ABCC8: variants seen among roughly 807,000 people sequenced by gnomAD.
ABCC8 encodes the protein ATP-binding cassette sub-family C member 8.
A neutral mutation model predicts 188.0 loss-of-function variants in ABCC8; 137 were observed. The observed-to-expected ratio is 0.73, with a 90% confidence interval of 0.63 to 0.84. The LOEUF (loss-of-function observed/expected upper bound fraction) is 0.84, where lower values mean the gene tolerates loss of function less well. ABCC8 is among the 40% of genes least tolerant of loss of function. The pLI is 0.00. For missense variants in ABCC8, 1,750 were observed against 2,072.7 expected (o/e 0.84, Z 3.02); for synonymous variants, 797 against 846.5 (o/e 0.94, Z 1.01).
chr11:17,476,460 G>A (rs1031072725), intron 1 of ABCC8, among the ~76,000 whole-genome samples, 169 bp downstream of exon 1: 1 of 152,238 alleles, frequency 6.6e-6, no homozygotes, highest in Admixed American at 6.5e-5. Flanking sequence ...GGATGAGCTG[G>A]TGTGCGAGTG....
chr11:17,412,489 T>G lies in ABCC8; in HGVS notation c.2556+177A>C, dbSNP rs189600012. Among the ~76,000 whole-genome samples, 175 of 152,272 alleles carry G rather than the reference T, an allele frequency of 1.1e-3. 1 individual carries two copies. The highest frequency in any genetic ancestry group is 4.0e-3 in the African/African-American group (165 of 41,548). ...AGTCTGCAATGGGTCATTTGTGCTA[T>G]CCTTGCCTGCCTCAGTTTCCCTATC... On this transcript the variant is annotated intron_variant, in intron 21 of 38. Transcript: ENST00000389817.
intron 6 of ABCC8, among the ~76,000 whole-genome samples, chr11:17,457,868 A>G (rs1328947822): frequency 6.6e-6 from 1 of 152,210 alleles, no homozygotes; most frequent in Non-Finnish European, 1.5e-5. Context: ...CTGCTGCAGG[A>G]TGGATTCAGG....
intron 10 of ABCC8, among the ~76,000 whole-genome samples, chr11:17,438,976 G>T (rs564894767): frequency 6.6e-6 from 1 of 152,238 alleles, no homozygotes; most frequent in East Asian, 1.9e-4. Flanking sequence ...TGGCCACACG[G>T]TTCTGCTCTC....
chr11:17,428,691 C>T, intron 12 of ABCC8, 21 bp from the exon 13 acceptor site: 1 of 1,609,754 alleles, frequency 6.2e-7, no homozygotes, highest in South Asian at 1.1e-5. Flanking sequence ...AGCACAGAGA[C>T]ACCCCTCACC....
intron 16 of ABCC8, among the ~76,000 whole-genome samples, chr11:17,425,738 A>T (rs989770171): frequency 6.6e-6 from 1 of 152,080 alleles, no homozygotes; most frequent in African/African-American, 2.4e-5. Context: ...CAGAACGTGC[A>T]GGTTTGTTAC....
At chr11:17,402,615 C>T (rs1591730600) in intron 29 of ABCC8, 46 bp downstream of exon 29, 1 of 1,614,132 alleles carries the variant, frequency 6.2e-7, no homozygotes, top group Non-Finnish European at 8.5e-7. Context: ...TGCCCCCTGG[C>T]CCCACCCCTG....
At chr11:17,462,580 C>T (rs1034313417) in intron 4 of ABCC8, among the ~76,000 whole-genome samples, 1 of 152,210 alleles carries the variant, frequency 6.6e-6, no homozygotes, top group Non-Finnish European at 1.5e-5. Context: ...AGCAGCAATA[C>T]ATAAATATAT....
intron 6 of ABCC8, among the ~76,000 whole-genome samples, chr11:17,454,737 G>A (rs1328826822): frequency 6.6e-6 from 1 of 152,136 alleles, no homozygotes; most frequent in African/African-American, 2.4e-5. Flanking sequence ...TTTCAGTAGG[G>A]TTAGTGGCTG....
intron 23 of ABCC8, 149 bp downstream of exon 23, chr11:17,408,243 T>C: frequency 2.7e-6 from 2 of 740,780 alleles, no homozygotes; most frequent in Non-Finnish European, 4.5e-6. Flanking sequence ...GTCTCTCCTC[T>C]GGTAGGAGCC....
At chr11:17,420,672 C>T (rs558721489) in intron 16 of ABCC8, among the ~76,000 whole-genome samples, 7 of 152,344 alleles carry the variant, frequency 4.6e-5, no homozygotes, top group African/African-American at 7.2e-5. Context: ...TCCAGTGAGA[C>T]TGCATGTGCA....
At chr11:17,397,551 G>T (rs983421337) in intron 31 of ABCC8, 133 bp downstream of exon 31, 2 of 1,430,624 alleles carry the variant, frequency 1.4e-6, no homozygotes, top group Non-Finnish European at 1.9e-6. Context: ...CTTCCTGCCC[G>T]CACTGTCCCT....
chr11:17,397,239 G>T lies in ABCC8; in HGVS notation c.3942C>A (p.Ile1314=). ...MELQLGAVKR[I]HGLLKTEAES... ...CTGCCTCGGTTTTCAGGAGCCCATG[G>T]ATGCGCTTCACAGCCCCCAGCTGGA... The change falls in exon 32 of 39, where the codon ATC becomes ATA. Residue 1314 remains isoleucine, a synonymous_variant. Transcript: ENST00000389817. 1 of 1,613,718 alleles carries T rather than the reference G, an allele frequency of 6.2e-7. No individual in the cohort carries two copies.
intron 6 of ABCC8, among the ~76,000 whole-genome samples, chr11:17,455,609 G>A (rs1360770376): frequency 6.6e-6 from 1 of 152,102 alleles, no homozygotes; most frequent in Non-Finnish European, 1.5e-5. Context: ...TGGTTTAAAA[G>A]GGATAGAACC....
chr11:17,456,943 A>T (rs1423322731), intron 6 of ABCC8, among the ~76,000 whole-genome samples: 2 of 152,198 alleles, frequency 1.3e-5, no homozygotes, highest in Non-Finnish European at 2.9e-5. Flanking sequence ...GAGGTCAGGC[A>T]ATAGGGGACA....
At chr11:17,401,322 A>C (rs565297266) in intron 29 of ABCC8, among the ~76,000 whole-genome samples, 154 of 152,336 alleles carry the variant, frequency 1.0e-3, no homozygotes, top group African/African-American at 3.7e-3. Flanking sequence ...TCTTTGTGGA[A>C]GACACAGCAT....
intron 33 of ABCC8, chr11:17,396,599 G>A (rs893672473): frequency 2.0e-5 from 8 of 408,856 alleles, no homozygotes; most frequent in Non-Finnish European, 3.7e-5. Context: ...TCGGGGCAGT[G>A]CCCTAGGGAA....
In ABCC8 at chr11:17,450,328, C is replaced by T. The variant is rs368141866; in HGVS notation, c.1177-1657G>A. ...TTTCTTTCTTTCTTTCTTTCTTTCTCTCTCTCTCTTTCCTTTCTTTCTTTC... is the reference window on the plus strand; with the variant it reads ...TTTCTTTCTTTCTTTCTTTCTTTCTTTCTCTCTCTTTCCTTTCTTTCTTTC... On this transcript the variant is annotated intron_variant, in intron 7 of 38. Transcript: ENST00000389817. 7.4e-3 allele frequency among the ~76,000 whole-genome samples: 807 copies of T among 109,736 alleles called. 8 individuals carry two copies. Among genetic ancestry groups the T allele is most frequent in the South Asian group, 0.018 (49 of 2,692 alleles). The allele number at this position is 109,736 out of a possible 152,430, so 72.0% of individuals were successfully genotyped here. A position where few individuals can be genotyped will look rare whatever the true frequency, so the allele number is the denominator to read the frequency against.
chr11:17,402,010 G>A (rs535598374), intron 29 of ABCC8, among the ~76,000 whole-genome samples: 1 of 152,318 alleles, frequency 6.6e-6, no homozygotes, highest in Admixed American at 6.5e-5. Context: ...CTTGTCACGT[G>A]GATTTATCCT....
At chr11:17,398,616 T>C in intron 29 of ABCC8, 175 bp from the exon 30 acceptor site, 2 of 763,836 alleles carry the variant, frequency 2.6e-6, no homozygotes, top group Non-Finnish European at 3.2e-6. Context: ...TTTCTGCTTA[T>C]TCAAACCTGT....
Sources: gnomAD v4.1 joint callset for allele counts (sites outside exome capture counted in the v4.1 genomes callset) on GRCh38, gnomAD v4.1.1 for gene constraint, MANE v1.5 for transcripts, NCBI Gene and HGNC (gene_info 2026-07-23, HGNC 2026-07-21) for gene names.